Variants in GALNT13 observed in about 807,000 individuals in gnomAD.
The protein encoded by GALNT13 is UDP-GalNAc:polypeptide N-acetylgalactosaminyltransferase 13.
A neutral mutation model predicts 64.2 loss-of-function variants in GALNT13; 28 were observed. That is an observed-to-expected ratio of 0.44 (90% CI 0.32 to 0.60). GALNT13 has a LOEUF of 0.60. Ranked by LOEUF, GALNT13 falls within the 20% of genes least tolerant of loss-of-function variation. The pLI is 0.05. For synonymous variants in GALNT13, 214 were observed against 224.6 expected, an observed-to-expected ratio of 0.95 and a Z score of 0.42; for missense variants, 577 against 669.8, an observed-to-expected ratio of 0.86 and a Z score of 1.53.
the GALNT13 span, among the ~76,000 whole-genome samples, chr2:153,327,091 A>G: frequency 6.7e-6 from 1 of 148,354 alleles, no homozygotes; most frequent in African/African-American, 2.5e-5. Flanking sequence ...CTCAAAAAAT[A>G]AAAAAAAAAA....
chr2:153,634,845 A>C, the GALNT13 span, among the ~76,000 whole-genome samples: 2 of 151,820 alleles, frequency 1.3e-5, no homozygotes, highest in Admixed American at 1.3e-4. Context: ...CACCATGCCC[A>C]GCTGAAAATC....
intron 3 of GALNT13, among the ~76,000 whole-genome samples, chr2:154,072,515 A>G (rs906631019): frequency 6.6e-6 from 1 of 152,078 alleles, no homozygotes; most frequent in Non-Finnish European, 1.5e-5. Context: ...GGCTCAAAAC[A>G]TCAATGTAAC....
chr2:153,454,075 C>T, the GALNT13 span, among the ~76,000 whole-genome samples: 415 of 152,208 alleles, frequency 2.7e-3, 19 homozygotes, highest in East Asian at 0.074. Context: ...AATGGATAAT[C>T]ATGACCATAA....
intron 6 of GALNT13, 22 bp downstream of exon 6, chr2:154,242,927 C>G: frequency 6.3e-7 from 1 of 1,595,532 alleles, no homozygotes; most frequent in Non-Finnish European, 8.6e-7. Flanking sequence ...TGTGTTCTGT[C>G]TGCCTGGGTT....
chr2:153,838,154 C>G, the GALNT13 span, among the ~76,000 whole-genome samples: 2 of 151,864 alleles, frequency 1.3e-5, 1 homozygote, highest in Admixed American at 1.3e-4. Context: ...ATGTTAAACA[C>G]TGTCAGATAT....
intron 7 of GALNT13, among the ~76,000 whole-genome samples, chr2:154,246,846 C>A (rs781366995): frequency 6.6e-6 from 1 of 151,978 alleles, no homozygotes; most frequent in African/African-American, 2.4e-5. Context: ...AAAACACTGT[C>A]ATCAATCTTA....
the GALNT13 span, chr2:153,421,856 G>A: frequency 1.1e-5 from 2 of 189,360 alleles, no homozygotes; most frequent in South Asian, 1.1e-4. Context: ...ACTTGGCATT[G>A]GGCTATCGTG....
At chr2:153,799,472 G>A in the GALNT13 span, among the ~76,000 whole-genome samples, 1 of 152,100 alleles carries the variant, frequency 6.6e-6, no homozygotes, top group African/African-American at 2.4e-5. Context: ...GTAATGCAAA[G>A]GAATCGGACA....
the GALNT13 span, among the ~76,000 whole-genome samples, chr2:153,441,776 G>T: frequency 1.3e-5 from 2 of 152,124 alleles, no homozygotes; most frequent in Non-Finnish European, 2.9e-5. Context: ...AGGAATGCTT[G>T]TGATTTTTGC....
the GALNT13 span, among the ~76,000 whole-genome samples, chr2:153,263,515 G>C: frequency 6.6e-6 from 1 of 152,186 alleles, no homozygotes; most frequent in African/African-American, 2.4e-5. Flanking sequence ...AAAGAACAAA[G>C]CTAGAGGCAT....
At chr2:153,428,275 G>A in the GALNT13 span, among the ~76,000 whole-genome samples, 8 of 152,170 alleles carry the variant, frequency 5.3e-5, no homozygotes, top group Non-Finnish European at 1.2e-4. Context: ...TGGCTTCCTG[G>A]TGAGGCCTAG....
chr2:153,827,626 A>C, the GALNT13 span, among the ~76,000 whole-genome samples: 12 of 14,352 alleles, frequency 8.4e-4, no homozygotes, highest in Non-Finnish European at 2.0e-3. Context: ...ACTCCGTCCC[A>C]AAAAAAAAAA....
the GALNT13 span, among the ~76,000 whole-genome samples, chr2:153,095,328 A>G: frequency 6.6e-6 from 1 of 152,208 alleles, no homozygotes; most frequent in African/African-American, 2.4e-5. Context: ...GCAAATCAAA[A>G]CCACAATGAG....
chr2:153,069,169 T>G, the GALNT13 span, among the ~76,000 whole-genome samples: 1 of 152,224 alleles, frequency 6.6e-6, no homozygotes, highest in African/African-American at 2.4e-5. Context: ...GCCTTTCAGA[T>G]TCATTCTTAT....
At chr2:154,272,495 C>T (rs112850221) in intron 8 of GALNT13, among the ~76,000 whole-genome samples, 2,958 of 152,132 alleles carry the variant, frequency 0.019, 69 homozygotes, top group African/African-American at 0.059. Context: ...AGATATTCCA[C>T]GTGCATGTTA....
intron 2 of GALNT13, among the ~76,000 whole-genome samples, chr2:153,908,719 T>C (rs1050951817): frequency 2.6e-5 from 4 of 152,184 alleles, no homozygotes; most frequent in Admixed American, 6.6e-5. Context: ...CAGCCTTAAT[T>C]CTGGGCTCTC....
At chr2:153,577,865 C>A in the GALNT13 span, among the ~76,000 whole-genome samples, 13 of 150,250 alleles carry the variant, frequency 8.7e-5, no homozygotes, top group Non-Finnish European at 1.3e-4. Flanking sequence ...ATTGAATGAA[C>A]TTTATTCTAT....
At chr2:154,207,078 T>G (rs1687501570) in intron 4 of GALNT13, among the ~76,000 whole-genome samples, 1 of 152,206 alleles carries the variant, frequency 6.6e-6, no homozygotes, top group Non-Finnish European at 1.5e-5. Flanking sequence ...TATTTATAAT[T>G]TAAAACTATC....
At chr2:153,908,161 A>G (rs573426969) in intron 2 of GALNT13, among the ~76,000 whole-genome samples, 1 of 152,190 alleles carries the variant, frequency 6.6e-6, no homozygotes, top group South Asian at 2.1e-4. Flanking sequence ...ATGATCAGTG[A>G]TAGTGAGCTT....
Sources: allele counts gnomAD v4.1 joint callset (sites outside exome capture counted in the v4.1 genomes callset), GRCh38; gene constraint gnomAD v4.1.1; transcripts MANE v1.5; gene names NCBI Gene and HGNC (gene_info 2026-07-23, HGNC 2026-07-21).